TGFB2: variants seen among roughly 807,000 people sequenced by gnomAD.
TGFB2 encodes transforming growth factor beta-2 proprotein.
A neutral mutation model predicts 42.7 loss-of-function variants in TGFB2; 13 were observed. The ratio of observed to expected loss-of-function variants is 0.30; its 90% CI spans 0.20 to 0.48. The LOEUF is 0.48. TGFB2 is among the 20% of genes least tolerant of loss of function. The pLI, the probability that TGFB2 is intolerant of heterozygous loss-of-function variation, is 0.99. For missense variants in TGFB2, 390 were observed against 517.5 expected, an observed-to-expected ratio of 0.75 and a Z score of 2.39; for synonymous variants, 193 against 193.6, an observed-to-expected ratio of 1.00 and a Z score of 0.03.
At chr1:218,421,488 G>A (rs1397649256) in intron 2 of TGFB2, among the ~76,000 whole-genome samples, 1 of 151,918 alleles carries the variant, frequency 6.6e-6, no homozygotes, top group Non-Finnish European at 1.5e-5. Flanking sequence ...ACCAAGCAGG[G>A]ATTGGGTAAG....
intron 1 of TGFB2, among the ~76,000 whole-genome samples, chr1:218,397,591 G>A (rs1002508350): frequency 6.6e-5 from 10 of 151,392 alleles, no homozygotes; most frequent in African/African-American, 2.4e-4. Context: ...AAGTTTAGGT[G>A]CTCCTTTGTC....
intron 2 of TGFB2, among the ~76,000 whole-genome samples, chr1:218,413,982 G>T (rs927958110): frequency 6.6e-6 from 1 of 152,212 alleles, no homozygotes; most frequent in Non-Finnish European, 1.5e-5. Context: ...AGGGAAGATG[G>T]TAGTGGGGGG....
chr1:218,387,206 T>G (rs572264350), intron 1 of TGFB2, among the ~76,000 whole-genome samples: 2 of 151,932 alleles, frequency 1.3e-5, no homozygotes, highest in East Asian at 3.9e-4. Context: ...TGTGGTGCAC[T>G]TAGGGGCTGG....
chr1:218,373,357 C>T (rs1032182168), intron 1 of TGFB2, among the ~76,000 whole-genome samples: 1 of 151,702 alleles, frequency 6.6e-6, no homozygotes, highest in Non-Finnish European at 1.5e-5. Context: ...ATGGTTGGGG[C>T]AGTGGATCCT....
intron 1 of TGFB2, among the ~76,000 whole-genome samples, chr1:218,360,692 TA>T (rs951245917): frequency 1.1e-3 from 175 of 152,234 alleles, no homozygotes; most frequent in Middle Eastern, 0.01. Flanking sequence ...AAATTTAAAA[TA>T]AAAAAAGTTA....
chr1:218,440,752 C>T (rs990907579), intron 6 of TGFB2, among the ~76,000 whole-genome samples: 3 of 152,182 alleles, frequency 2.0e-5, no homozygotes, highest in Admixed American at 6.5e-5. Context: ...AGTTCCTGAT[C>T]TGGAGGGAGC....
In TGFB2 at chr1:218,416,849, T is replaced by A. The variant is rs531136108; in HGVS notation, c.510+11517T>A. On this transcript the variant is annotated intron_variant, in intron 2 of 6. Coordinates refer to ENST00000366930, the MANE Select transcript of TGFB2 (RefSeq NM_003238.6). ...GTGATAGTGAATAAGTCTCATGAGATCTGATGGTTTTAAATAGAGGTGGTC... is the reference window on the plus strand; with the variant it reads ...GTGATAGTGAATAAGTCTCATGAGAACTGATGGTTTTAAATAGAGGTGGTC... Among the ~76,000 whole-genome samples the A allele has an allele frequency of 4.6e-5, 7 of 152,248 alleles. No homozygotes were observed. In the East Asian group the frequency reaches 5.8e-4, roughly 13 times the overall value.
chr1:218,371,171 C>T (rs774666605), intron 1 of TGFB2, among the ~76,000 whole-genome samples: 2 of 151,976 alleles, frequency 1.3e-5, no homozygotes, highest in East Asian at 1.9e-4. Context: ...TAATGTGGCA[C>T]GTGCCTGTGG....
chr1:218,376,563 A>G (rs1657748175), intron 1 of TGFB2, among the ~76,000 whole-genome samples: 1 of 152,192 alleles, frequency 6.6e-6, no homozygotes, highest in Admixed American at 6.5e-5. Flanking sequence ...CCTAGGTTTA[A>G]GTGGAGGCCT....
chr1:218,380,631 A>G (rs541208772), intron 1 of TGFB2, among the ~76,000 whole-genome samples: 1 of 152,242 alleles, frequency 6.6e-6, no homozygotes, highest in Admixed American at 6.5e-5. Context: ...CTGGGATGCC[A>G]AGCATTCCAG....
At chr1:218,438,150 G>C (rs1660032333) in intron 6 of TGFB2, among the ~76,000 whole-genome samples, 1 of 152,066 alleles carries the variant, frequency 6.6e-6, no homozygotes. Flanking sequence ...CCCAGCCTCT[G>C]GTAACCATCA....
chr1:218,436,588 T>A (rs557115859), intron 5 of TGFB2, among the ~76,000 whole-genome samples: 1 of 152,210 alleles, frequency 6.6e-6, no homozygotes, highest in Admixed American at 6.5e-5. Context: ...AAGAATGCCG[T>A]GTGTCACACC....
intron 1 of TGFB2, among the ~76,000 whole-genome samples, chr1:218,394,042 G>A (rs909797357): frequency 3.3e-5 from 5 of 152,086 alleles, no homozygotes; most frequent in African/African-American, 1.2e-4. Flanking sequence ...GAGTAGCTGG[G>A]ATTACAGGTG....
intron 1 of TGFB2, among the ~76,000 whole-genome samples, chr1:218,392,353 A>AAAAC (rs753703983): frequency 1.2e-3 from 176 of 152,262 alleles, no homozygotes; most frequent in Middle Eastern, 3.4e-3. Context: ...ACTCCGTCTC[A>AAAAC]AAACAAACAA....
At position 218,378,239 on chromosome 1, in the gene TGFB2, C is replaced by T. The variant is rs565310392; in HGVS notation, c.347-26930C>T. On this transcript the variant is annotated intron_variant, in intron 1 of 6. Coordinates refer to ENST00000366930, the MANE Select transcript of TGFB2 (RefSeq NM_003238.6). ...CAGGCACTCTATGAGTGCAATGGTGCGATCTTAGCTCACTGCAACCTCCGC... is the reference window on the plus strand; with the variant it reads ...CAGGCACTCTATGAGTGCAATGGTGTGATCTTAGCTCACTGCAACCTCCGC... Among the ~76,000 whole-genome samples, 3 of 152,246 alleles carry T rather than the reference C, an allele frequency of 2.0e-5. No homozygotes were observed. The South Asian group carries it at 6.2e-4, about 32-fold the overall frequency.
At chr1:218,382,035 G>T (rs1015768547) in intron 1 of TGFB2, among the ~76,000 whole-genome samples, 1 of 152,184 alleles carries the variant, frequency 6.6e-6, no homozygotes, top group Non-Finnish European at 1.5e-5. Context: ...CAGAAAGAGA[G>T]GGTGAAATCT....
At chr1:218,357,957 A>G (rs1160391933) in intron 1 of TGFB2, among the ~76,000 whole-genome samples, 3 of 152,202 alleles carry the variant, frequency 2.0e-5, no homozygotes, top group Non-Finnish European at 4.4e-5. Flanking sequence ...AAGAAAAAGA[A>G]AAACGTTGTG....
chr1:218,367,655 G>GATAGTGTTCATTTTACCTCCGC (rs1478841715), intron 1 of TGFB2, among the ~76,000 whole-genome samples: 3 of 152,138 alleles, frequency 2.0e-5, no homozygotes, highest in Non-Finnish European at 4.4e-5. Flanking sequence ...AGAATGACTT[G>GATAGTGTTCATTTTACCTCCGC]ATAGTGTTCA....
chr1:218,353,054 A>G (rs1656917531), intron 1 of TGFB2, among the ~76,000 whole-genome samples: 1 of 152,218 alleles, frequency 6.6e-6, no homozygotes, highest in African/African-American at 2.4e-5. Flanking sequence ...CTTTGACTTC[A>G]GGGTATACCA....
Sources: allele counts gnomAD v4.1 joint callset (sites outside exome capture counted in the v4.1 genomes callset), GRCh38; gene constraint gnomAD v4.1.1; transcripts MANE v1.5; gene names NCBI Gene and HGNC (gene_info 2026-07-23, HGNC 2026-07-21).